CMTM7: variants seen among roughly 807,000 people sequenced by gnomAD.
CMTM7 encodes CKLF like MARVEL transmembrane domain containing 7.
CMTM7 carries 7 observed loss-of-function variants against 19.3 expected under a neutral mutation model. That is an observed-to-expected ratio of 0.36 (90% CI 0.21 to 0.68). The LOEUF is 0.68. Ranked by LOEUF, CMTM7 falls within the 30% of genes least tolerant of loss-of-function variation. The pLI is 0.60. For missense variants in CMTM7, 193 were observed against 232.6 expected (o/e 0.83, Z 1.11); for synonymous variants, 87 against 99.3 (o/e 0.88, Z 0.74).
intron 1 of CMTM7, among the ~76,000 whole-genome samples, chr3:32,395,937 A>T (rs1384660726): frequency 6.6e-6 from 1 of 152,252 alleles, no homozygotes; most frequent in African/African-American, 2.4e-5. Context: ...CATTCATACA[A>T]TTGAATATTA....
chr3:32,439,718 G>A (rs111738336), intron 1 of CMTM7, among the ~76,000 whole-genome samples: 4,931 of 152,338 alleles, frequency 0.032, 121 homozygotes, highest in Middle Eastern at 0.054. Flanking sequence ...CTCCCAAAGT[G>A]CTGGGATTGC....
chr3:32,430,551 G>A (rs1415571291), intron 1 of CMTM7, among the ~76,000 whole-genome samples: 2 of 152,176 alleles, frequency 1.3e-5, no homozygotes, highest in African/African-American at 2.4e-5. Flanking sequence ...AGTCTCTGCT[G>A]TGTGCACTTA....
At position 32,425,500 on chromosome 3, in the gene CMTM7, A is replaced by T. The variant is rs1359769216; in HGVS notation, c.160-16340A>T. 3.3e-5 allele frequency among the ~76,000 whole-genome samples: 5 copies of T among 152,084 alleles called. No individual in the cohort carries two copies. The South Asian group carries it at 8.3e-4, about 25-fold the overall frequency. ...AGAATCTTGACTTTCCAGGAAAAAA[A>T]AAAAAATAAAAGAGCATTTAATGTA... On this transcript the variant is annotated intron_variant, in intron 1 of 4. Transcript: ENST00000334983.
At chr3:32,403,624 A>C (rs569726806) in intron 1 of CMTM7, among the ~76,000 whole-genome samples, 1 of 152,200 alleles carries the variant, frequency 6.6e-6, no homozygotes, top group Non-Finnish European at 1.5e-5. Flanking sequence ...AGAGTCATAA[A>C]TACTGAAGGT....
Position 32,405,653 on chromosome 3 carries a change from G to A in CMTM7, c.159+13588G>A, listed in dbSNP as rs532466843. Reference sequence around the variant, plus strand: ...GCCTGTGGGCCTATCTACTCAAGAGGCTGAGGCATGAAGATTGCTTGAGCC... The same window carrying A: ...GCCTGTGGGCCTATCTACTCAAGAGACTGAGGCATGAAGATTGCTTGAGCC... On this transcript the variant is annotated intron_variant, in intron 1 of 4. Coordinates refer to ENST00000334983, the MANE Select transcript of CMTM7 (RefSeq NM_138410.4). Among the ~76,000 whole-genome samples, 5 of 152,330 alleles carry A rather than the reference G, an allele frequency of 3.3e-5. No homozygotes were observed. In the East Asian group the frequency reaches 7.7e-4, roughly 23 times the overall value.
chr3:32,448,798 G>C lies in CMTM7; in HGVS notation c.334-656G>C, dbSNP rs116637998. Among the ~76,000 whole-genome samples, 717 of 149,310 alleles carry C rather than the reference G, an allele frequency of 4.8e-3. 5 individuals are homozygous for C. The highest frequency in any genetic ancestry group is 0.016 in the African/African-American group (671 of 40,822). On this transcript the variant is annotated intron_variant, in intron 2 of 4. Coordinates refer to ENST00000334983, the MANE Select transcript of CMTM7 (RefSeq NM_138410.4). ...AATGACAGGAAAAAAAAAAAAAAAGGCAGGAAGGCTCAGGAGTGAGAAAGC... is the reference window on the plus strand; with the variant it reads ...AATGACAGGAAAAAAAAAAAAAAAGCCAGGAAGGCTCAGGAGTGAGAAAGC...
chr3:32,424,662 G>A (rs959610446), intron 1 of CMTM7, among the ~76,000 whole-genome samples: 1 of 151,532 alleles, frequency 6.6e-6, no homozygotes, highest in African/African-American at 2.4e-5. Context: ...GCGGCTGGGG[G>A]GATACATGGT....
intron 1 of CMTM7, among the ~76,000 whole-genome samples, chr3:32,438,444 CT>C (rs1696629244): frequency 6.6e-6 from 1 of 151,396 alleles, no homozygotes; most frequent in Non-Finnish European, 1.5e-5. Flanking sequence ...TACCTACTGG[CT>C]TTAGAAGAAT....
At chr3:32,434,638 A>G (rs1225823946) in intron 1 of CMTM7, among the ~76,000 whole-genome samples, 19 of 150,420 alleles carry the variant, frequency 1.3e-4, no homozygotes, top group African/African-American at 4.2e-4. Context: ...ATTTTGAGAT[A>G]GAAAACAAGA....
rs1446423876 is a variant in CMTM7 at position 32,414,446 on chromosome 3, C to G, written c.159+22381C>G. On this transcript the variant is annotated intron_variant, in intron 1 of 4. Transcript: ENST00000334983. The stretch of plus-strand genomic sequence containing the variant: ...TAGGAAGAGGTGAAGTACAAATTAC[C>G]AAGATAATAAATATTCAAATTGCAC... 2.0e-5 allele frequency among the ~76,000 whole-genome samples: 3 copies of G among 152,126 alleles called. No individual in the cohort carries two copies. The East Asian group carries it at 5.8e-4, about 29-fold the overall frequency.
chr3:32,432,870 T>G (rs1212271873), intron 1 of CMTM7, among the ~76,000 whole-genome samples: 5 of 152,148 alleles, frequency 3.3e-5, no homozygotes, highest in Non-Finnish European at 7.4e-5. Flanking sequence ...ATCCCCACAT[T>G]GTGTCAGCTG....
At chr3:32,442,815 T>C (rs1221296560) in intron 2 of CMTM7, among the ~76,000 whole-genome samples, 1 of 152,156 alleles carries the variant, frequency 6.6e-6, no homozygotes, top group Non-Finnish European at 1.5e-5. Context: ...AAGGGTACAA[T>C]TCAATGGAGT....
chr3:32,435,456 C>A (rs118114909), intron 1 of CMTM7, among the ~76,000 whole-genome samples: 3 of 152,304 alleles, frequency 2.0e-5, no homozygotes, highest in East Asian at 3.9e-4. Context: ...ACATCTAATT[C>A]TTTGCAGCGC....
intron 1 of CMTM7, among the ~76,000 whole-genome samples, chr3:32,426,333 A>G (rs1696432701): frequency 1.3e-5 from 2 of 152,164 alleles, no homozygotes; most frequent in Non-Finnish European, 2.9e-5. Flanking sequence ...CCTTTTTAAT[A>G]TTTATGTCAT....
rs144373785 is a variant in CMTM7 at position 32,438,961 on chromosome 3, A to T, written c.160-2879A>T. On this transcript the variant is annotated intron_variant, in intron 1 of 4. Coordinates refer to ENST00000334983, the MANE Select transcript of CMTM7 (RefSeq NM_138410.4). ...TCTCTACCTAGGAATCACGCTGCAT[A>T]ATCCCACATTATCTGCATTTTCAGT... Among the ~76,000 whole-genome samples the T allele has an allele frequency of 2.5e-3, 374 of 152,340 alleles. 4 individuals carry two copies. Among genetic ancestry groups the T allele is most frequent in the African/African-American group, 8.3e-3 (347 of 41,574 alleles).
In CMTM7 at chr3:32,454,311, C is replaced by T; in HGVS notation, c.*57C>T. On this transcript the variant is annotated 3_prime_UTR_variant, in exon 5 of 5. Coordinates refer to ENST00000334983, the MANE Select transcript of CMTM7 (RefSeq NM_138410.4). ...TTTGCAGAGAGGAGGACGTGTACTC[C>T]AGGCGAGGCCTCTGGACCTGTGTTC... is the stretch of plus-strand genomic sequence containing the variant. 1 of 1,607,434 alleles carries T rather than the reference C, an allele frequency of 6.2e-7. No homozygotes were observed. Among genetic ancestry groups the T allele is most frequent in the Non-Finnish European group, 8.5e-7 (1 of 1,174,086 alleles).
At chr3:32,427,539 A>G (rs55783019) in intron 1 of CMTM7, among the ~76,000 whole-genome samples, 5,115 of 152,330 alleles carry the variant, frequency 0.034, 130 homozygotes, top group Middle Eastern at 0.054. Flanking sequence ...TGAGGGCTAT[A>G]TAGATTTAGA....
chr3:32,423,219 C>T (rs142531907), intron 1 of CMTM7, among the ~76,000 whole-genome samples: 7 of 152,122 alleles, frequency 4.6e-5, no homozygotes, highest in Admixed American at 2.6e-4. Flanking sequence ...GCTAGTAGCT[C>T]GAGTAGAGAA....
At position 32,432,956 on chromosome 3, in the gene CMTM7, G is replaced by A. The variant is rs982789042; in HGVS notation, c.160-8884G>A. Among the ~76,000 whole-genome samples the A allele has an allele frequency of 4.6e-5, 7 of 152,068 alleles. No homozygotes were observed. The East Asian group carries it at 5.8e-4, about 13-fold the overall frequency. ...TGACCGTCCACAGCCCCGTCCTTTC[G>A]CTCCCATGCCTATCTAAAGAATTAT... On this transcript the variant is annotated intron_variant, in intron 1 of 4. Coordinates refer to ENST00000334983, the MANE Select transcript of CMTM7 (RefSeq NM_138410.4).
Sources: gnomAD v4.1 joint callset for allele counts (sites outside exome capture counted in the v4.1 genomes callset) on GRCh38, gnomAD v4.1.1 for gene constraint, MANE v1.5 for transcripts, NCBI Gene and HGNC (gene_info 2026-07-23, HGNC 2026-07-21) for gene names.